Variants in SCNN1D observed in about 807,000 individuals in gnomAD.
SCNN1D encodes epithelial sodium channel subunit delta.
A neutral mutation model predicts 87.8 loss-of-function variants in SCNN1D; 104 were observed. That is an observed-to-expected ratio of 1.18 (90% confidence interval 1.01 to 1.39). The LOEUF (loss-of-function observed/expected upper bound fraction) is 1.39, where lower values mean the gene tolerates loss of function less well. SCNN1D is among the 40% of genes most tolerant of loss of function. The probability of loss-of-function intolerance (pLI) is 0.00; values close to 1 mark genes in which losing one functional copy is unlikely to be tolerated. For synonymous variants in SCNN1D, 628 were observed against 481.2 expected (o/e 1.31, Z -3.99); for missense variants, 1,324 against 1,093.9 (o/e 1.21, Z -2.97).
intron 13 of SCNN1D, 30 bp downstream of exon 13, chr1:1,290,418 T>G: frequency 6.2e-7 from 1 of 1,609,710 alleles, no homozygotes. Flanking sequence ...TCCCACTCTG[T>G]CAGCCATTAG....
At chr1:1,287,422 A>T (rs1394721683) in intron 9 of SCNN1D, 86 bp from the exon 10 acceptor site, 2 of 1,491,954 alleles carry the variant, frequency 1.3e-6, no homozygotes, top group Non-Finnish European at 1.8e-6. Context: ...CTTTCCGCAG[A>T]CACAGGGCAG....
In SCNN1D at chr1:1,291,606, C is replaced by T. The variant is rs1640821610; in HGVS notation, c.2405C>T (p.Thr802Ile). The T allele has an allele frequency of 2.0e-6, 3 of 1,527,810 alleles. No homozygotes were observed. The highest frequency in any genetic ancestry group is 1.8e-6 in the Non-Finnish European group (2 of 1,135,730). The allele number at this position is 1,527,810 out of a possible 1,614,324, so 94.6% of individuals were successfully genotyped here. Residue 802 changes from threonine to isoleucine, a missense_variant, in exon 18 of 18, where the codon ACC becomes ATC. Thr to Ile is a moderately conservative substitution (Grantham distance 89, BLOSUM62 -1). Coordinates refer to ENST00000379116, the MANE Select transcript of SCNN1D (RefSeq NM_001130413.4). ...AGPQPLETLD[T>I] The stretch of plus-strand genomic sequence containing the variant: ...CCCCAGCCCCTTGAGACTCTGGACA[C>T]CTGAACCAGACCTGCCAGGGCTGTG...
intron 3 of SCNN1D, 68 bp from the exon 4 acceptor site, chr1:1,282,174 A>G: frequency 1.1e-6 from 1 of 931,146 alleles, no homozygotes; most frequent in Non-Finnish European, 1.7e-6. Flanking sequence ...ACTCAAGGAA[A>G]TCAGCTCAGA....
At position 1,290,540 on chromosome 1, in the gene SCNN1D, G is replaced by A. The variant is rs748666130; in HGVS notation, c.1844G>A (p.Cys615Tyr). 4 of 1,612,504 alleles carry A rather than the reference G, an allele frequency of 2.5e-6. No individual in the cohort carries two copies. Among genetic ancestry groups the A allele is most frequent in the South Asian group, 2.2e-5 (2 of 91,078 alleles). Residue 615 changes from cysteine (C) to tyrosine (Y), a missense_variant, in exon 14 of 18, where the codon TGC (cysteine) becomes TAC (tyrosine). Physicochemically the swap from Cys to Tyr is radical, Grantham distance 194. Coordinates refer to ENST00000379116, the MANE Select transcript of SCNN1D (RefSeq NM_001130413.4). ...ETHRLPCTSR[C>Y]PRPCRESAFK... The stretch of plus-strand genomic sequence containing the variant: ...CACCGGCTCCCCTGTACCTCCCGCT[G>A]CCCCAGGCCCTGCAGGTGAGACGGG...
chr1:1,288,554 T>A (rs1173012188), intron 12 of SCNN1D, among the ~76,000 whole-genome samples: 3 of 50,850 alleles, frequency 5.9e-5, no homozygotes, highest in Admixed American at 2.4e-4. Flanking sequence ...CCGTCCCCCG[T>A]GTCTCTGCTC....
chr1:1,290,212 G>T (rs1640750258), intron 12 of SCNN1D, 59 bp from the exon 13 acceptor site: 6 of 1,271,836 alleles, frequency 4.7e-6, no homozygotes, highest in Non-Finnish European at 6.6e-6. Flanking sequence ...CCGTGTCTCT[G>T]CCCCGTCCCC....
chr1:1,290,763 A>C, intron 15 of SCNN1D, 69 bp downstream of exon 15: 1 of 1,596,260 alleles, frequency 6.3e-7, no homozygotes, highest in Non-Finnish European at 8.6e-7. Context: ...CACAGAGCCC[A>C]CCCAAGACAA....
At chr1:1,287,063 G>A (rs1212134836) in intron 8 of SCNN1D, 46 bp from the exon 9 acceptor site, 1 of 1,577,568 alleles carries the variant, frequency 6.3e-7, no homozygotes, top group Non-Finnish European at 8.6e-7. Context: ...TGGGGAGCGG[G>A]GCCTGGGCTG....
Position 1,286,032 on chromosome 1 carries a change from A to G in SCNN1D, c.665A>G (p.Glu222Gly). The change falls in exon 7 of 18, where the codon GAG becomes GGG. Residue 222 changes from glutamate (E) to glycine (G), a missense_variant. By Grantham distance (98) the Glu-to-Gly change is moderately conservative (BLOSUM62 -2). Transcript: ENST00000379116. ...GLVELPASFR[E>G]LLTFFCTNAT... ...GTGGAGCTGCCCGCCTCGTTCCGGGAGCTGCTCACCTTCTTCTGCACCAAT... is the reference window on the plus strand; with the variant it reads ...GTGGAGCTGCCCGCCTCGTTCCGGGGGCTGCTCACCTTCTTCTGCACCAAT... 16 of 1,572,386 alleles carry G rather than the reference A, an allele frequency of 1.0e-5. No individual in the cohort carries two copies. Among genetic ancestry groups the G allele is most frequent in the Non-Finnish European group, 1.4e-5 (16 of 1,159,026 alleles).
rs764223105 is a variant in SCNN1D at position 1,287,979 on chromosome 1, C to T, written c.1604C>T (p.Thr535Ile). Residue 535 changes from threonine to isoleucine, a missense_variant, in exon 12 of 18, where the codon ACC (threonine) becomes ATC (isoleucine). Physicochemically the swap from Thr to Ile is moderately conservative, Grantham distance 89. Coordinates refer to ENST00000379116, the MANE Select transcript of SCNN1D (RefSeq NM_001130413.4). ...HRLGSPYGHC[T>I]AGGEGVEVEL... ...CTCGGGAGCCCCTACGGCCACTGCA[C>T]CGCCGGCGGGGAAGGCGTGGAGGTG... is the stretch of plus-strand genomic sequence containing the variant. The T allele has an allele frequency of 3.9e-6, 6 of 1,547,134 alleles. No individual in the cohort carries two copies. Among genetic ancestry groups the T allele is most frequent in the Middle Eastern group, 1.7e-4 (1 of 5,922 alleles).
Position 1,281,570 on chromosome 1 carries a change from CCT to C in SCNN1D, c.240_241del (p.Cys81ProfsTer15). On this transcript the variant is annotated frameshift_variant, in exon 3 of 18. Transcript: ENST00000379116. LOFTEE classifies it high-confidence loss of function. ...SAGHVLCGYPLCLLSGPIQGC... is the reference protein window; with the variant it reads ...SAGHVLCGYPXCLLSGPIQGC... ...CTGGACATGTGCTCTGTGGCTACCC[CCT>C]CTGCCTACTCTCTGGCCCGATACAG... 1 of 1,535,788 alleles carries C rather than the reference CCT, an allele frequency of 6.5e-7. No homozygotes were observed. Among genetic ancestry groups the C allele is most frequent in the Non-Finnish European group, 8.7e-7 (1 of 1,146,786 alleles).
intron 12 of SCNN1D, among the ~76,000 whole-genome samples, chr1:1,288,245 C>G (rs1415500189): frequency 9.2e-5 from 12 of 130,730 alleles, no homozygotes; most frequent in South Asian, 7.8e-4. Context: ...CGTCCCGTGT[C>G]TCTGCTCCGT....
chr1:1,282,368 G>A, intron 4 of SCNN1D, 53 bp downstream of exon 4: 1 of 1,541,646 alleles, frequency 6.5e-7, no homozygotes, highest in Non-Finnish European at 8.8e-7. Flanking sequence ...GACCCTGTGG[G>A]GCTGGGCTCC....
intron 7 of SCNN1D, among the ~76,000 whole-genome samples, chr1:1,286,564 A>T (rs1166596412): frequency 1.3e-5 from 2 of 152,034 alleles, no homozygotes; most frequent in African/African-American, 4.8e-5. Flanking sequence ...GAAGGAGGGA[A>T]GGTGGGAGGG....
At chr1:1,285,895 C>T (rs767525909) in intron 6 of SCNN1D, 31 bp from the exon 7 acceptor site, 1 of 1,518,968 alleles carries the variant, frequency 6.6e-7, no homozygotes, top group East Asian at 2.3e-5. Flanking sequence ...TGGGTGCAGG[C>T]CGGGCCCTGC....
intron 8 of SCNN1D, 31 bp from the exon 9 acceptor site, chr1:1,287,078 C>T: frequency 6.3e-7 from 1 of 1,580,660 alleles, no homozygotes; most frequent in Non-Finnish European, 8.6e-7. Flanking sequence ...GGGCTGTAGC[C>T]ACAGAGCTGA....
intron 12 of SCNN1D, among the ~76,000 whole-genome samples, chr1:1,289,895 T>A (rs1570611646): frequency 1.9e-5 from 1 of 53,074 alleles, no homozygotes; most frequent in Non-Finnish European, 3.2e-5. Flanking sequence ...CTCCGTCCCG[T>A]GTCTCTGCTC....
Position 1,290,553 on chromosome 1 carries a change from C to T in SCNN1D, c.1857C>T (p.Cys619=). The T allele has an allele frequency of 1.2e-6, 2 of 1,612,646 alleles. No homozygotes were observed. Among genetic ancestry groups the T allele is most frequent in the Non-Finnish European group, 1.7e-6 (2 of 1,179,894 alleles). ...LPCTSRCPRP[C]RESAFKLSTG... ...GTACCTCCCGCTGCCCCAGGCCCTG[C>T]AGGTGAGACGGGGGTGTTGGGGTCG... Residue 619 remains cysteine (C), a splice_region_variant and synonymous_variant, in exon 14 of 18, where the codon TGC becomes TGT. Transcript: ENST00000379116.
At position 1,291,587 on chromosome 1, in the gene SCNN1D, C is replaced by T. The variant is rs759876555; in HGVS notation, c.2386C>T (p.Pro796Ser). 1.9e-6 allele frequency: 3 copies of T among 1,548,282 alleles called. No homozygotes were observed. Among genetic ancestry groups the T allele is most frequent in the African/African-American group, 1.4e-5 (1 of 72,718 alleles). Residue 796 changes from proline to serine, a missense_variant, in exon 18 of 18, where the codon CCC becomes TCC. Pro to Ser is a moderately conservative substitution (Grantham distance 74, BLOSUM62 -1). Transcript: ENST00000379116. ...SAEESWAGPQ[P>S]LETLDT ...CGAAGAGAGCTGGGCTGGGCCCCAG[C>T]CCCTTGAGACTCTGGACACCTGAAC...
Sources: allele counts gnomAD v4.1 joint callset (sites outside exome capture counted in the v4.1 genomes callset), GRCh38; gene constraint gnomAD v4.1.1; transcripts MANE v1.5; gene names NCBI Gene and HGNC (gene_info 2026-07-23, HGNC 2026-07-21).